The following THUMPD3 variants were observed in gnomAD, a reference collection of about 807,000 sequenced individuals.
THUMPD3 encodes THUMP domain 3 tRNA guanosine methyltransferase.
THUMPD3 carries 44 observed loss-of-function variants against 54.5 expected under a neutral mutation model. The ratio of observed to expected loss-of-function variants is 0.81; its 90% CI spans 0.63 to 1.04. The LOEUF is 1.04. THUMPD3 is among the 50% of genes least tolerant of loss of function. The probability of loss-of-function intolerance (pLI) is 0.00; values close to 1 mark genes in which losing one functional copy is unlikely to be tolerated. For missense variants in THUMPD3, 604 were observed against 601.3 expected, an observed-to-expected ratio of 1.00 and a Z score of -0.05; for synonymous variants, 196 against 201.4, an observed-to-expected ratio of 0.97 and a Z score of 0.23.
chr3:9,383,908 C>T (rs1160895312), intron 8 of THUMPD3, among the ~76,000 whole-genome samples: 1 of 152,196 alleles, frequency 6.6e-6, no homozygotes, highest in Admixed American at 6.5e-5. Context: ...AGGCATGAGC[C>T]ACCAAAACAC....
chr3:9,364,898 T>G (rs2031393333), intron 1 of THUMPD3, 118 bp from the exon 2 acceptor site: 3 of 758,372 alleles, frequency 4.0e-6, no homozygotes, highest in Non-Finnish European at 6.2e-6. Flanking sequence ...CTTTTTACTT[T>G]GGTGACTGTT....
chr3:9,384,886 CTG>C lies in THUMPD3; in HGVS notation c.*200_*201del, dbSNP rs1231427007. On this transcript the variant is annotated 3_prime_UTR_variant, in exon 10 of 10. Coordinates refer to ENST00000452837, the MANE Select transcript of THUMPD3 (RefSeq NM_001114092.2). Reference sequence around the variant, plus strand: ...TGAGACCAGGCACAGTGGCTCACGACTGTAATTCCAGCAGTTTAGGAAGCCGA... The same window carrying C: ...TGAGACCAGGCACAGTGGCTCACGACTAATTCCAGCAGTTTAGGAAGCCGA... 1.8e-5 allele frequency: 11 copies of C among 601,380 alleles called. No individual in the cohort carries two copies. Among genetic ancestry groups the C allele is most frequent in the African/African-American group, 1.7e-4 (9 of 53,944 alleles). The allele number at this position is 601,380 out of a possible 1,614,324, so 37.3% of individuals were successfully genotyped here. A position where few individuals can be genotyped will look rare whatever the true frequency, so the allele number is the denominator to read the frequency against.
chr3:9,382,316 T>C (rs976729758), intron 7 of THUMPD3, among the ~76,000 whole-genome samples: 1 of 152,236 alleles, frequency 6.6e-6, no homozygotes, highest in Non-Finnish European at 1.5e-5. Flanking sequence ...TGCATTATTT[T>C]GTTTCTTAAA....
In THUMPD3 at chr3:9,384,332, C is replaced by T; in HGVS notation, c.1356C>T (p.Thr452=). 1 of 1,613,684 alleles carries T rather than the reference C, an allele frequency of 6.2e-7. No individual in the cohort carries two copies. The highest frequency in any genetic ancestry group is 8.5e-7 in the Non-Finnish European group (1 of 1,179,898). The change falls in exon 9 of 10, where the codon ACC becomes ACT. Residue 452 remains threonine, a synonymous_variant. Coordinates refer to ENST00000452837, the MANE Select transcript of THUMPD3 (RefSeq NM_001114092.2). ...TTACTCAAGACACAAAATGCTTTAC[C>T]AAGGTGCTATACACATTAGCTCAAA... ...VLLTQDTKCF[T]KALSGMRHVW...
At chr3:9,377,668 C>T in intron 5 of THUMPD3, 151 bp from the exon 6 acceptor site, 1 of 562,630 alleles carries the variant, frequency 1.8e-6, no homozygotes, top group Admixed American at 3.1e-5. Flanking sequence ...AGTCACCGTG[C>T]GCGGCCACAA....
At chr3:9,384,095 T>A in intron 8 of THUMPD3, 117 bp from the exon 9 acceptor site, 1 of 1,193,256 alleles carries the variant, frequency 8.4e-7, no homozygotes, top group Non-Finnish European at 1.2e-6. Context: ...AAGGTCTGGT[T>A]TCTAAAACTA....
At chr3:9,374,478 A>G (rs1315729839) in intron 4 of THUMPD3, 38 bp from the exon 5 acceptor site, 6 of 1,608,082 alleles carry the variant, frequency 3.7e-6, no homozygotes, top group East Asian at 4.5e-5. Flanking sequence ...AGTTTGAACA[A>G]TCCTAAAACT....
At chr3:9,373,979 T>G (rs2032257785) in intron 4 of THUMPD3, among the ~76,000 whole-genome samples, 1 of 152,172 alleles carries the variant, frequency 6.6e-6, no homozygotes, top group Admixed American at 6.5e-5. Context: ...TTTCAGTAAG[T>G]TTTTACTTAT....
chr3:9,383,223 A>T lies in THUMPD3; in HGVS notation c.1149A>T (p.Ile383=). 1 of 1,613,986 alleles carries T rather than the reference A, an allele frequency of 6.2e-7. No individual in the cohort carries two copies. ...GCAAACCCTCCTGGGGCTTGCCCAT[A>T]GATGCTGTTCAGTGGGATATCTGCA... ...KEGKPSWGLP[I]DAVQWDICNL... Residue 383 remains isoleucine (I), a synonymous_variant, in exon 8 of 10, where the codon ATA becomes ATT. Coordinates refer to ENST00000452837, the MANE Select transcript of THUMPD3 (RefSeq NM_001114092.2).
rs200938759 is a variant in THUMPD3, at chr3:9,367,002, A to T, written c.330+17A>T. On this transcript the variant is annotated intron_variant, in intron 3 of 9. Coordinates refer to ENST00000452837, the MANE Select transcript of THUMPD3 (RefSeq NM_001114092.2). ...CAAACAAAGGTGAGCTATCCTAAAC[A>T]TGGTGGCTGATTTTTGGCTGTCTTC... 2.4e-5 allele frequency: 39 copies of T among 1,592,024 alleles called. No homozygotes were observed. The African/African-American group carries it at 5.3e-4, about 22-fold the overall frequency.
intron 3 of THUMPD3, among the ~76,000 whole-genome samples, chr3:9,368,416 G>T (rs1420598552): frequency 3.4e-5 from 5 of 145,332 alleles, no homozygotes; most frequent in Non-Finnish European, 7.4e-5. Flanking sequence ...AGGCTGGAGT[G>T]CAGTGGCACA....
intron 8 of THUMPD3, among the ~76,000 whole-genome samples, chr3:9,383,627 C>G (rs1255838886): frequency 6.9e-6 from 1 of 143,906 alleles, no homozygotes; most frequent in Non-Finnish European, 1.5e-5. Flanking sequence ...ATAAATGATT[C>G]TTTTTTTTTT....
chr3:9,383,056 T>G (rs2125334478), intron 7 of THUMPD3, 143 bp from the exon 8 acceptor site: 1 of 550,856 alleles, frequency 1.8e-6, no homozygotes, highest in East Asian at 2.9e-5. Flanking sequence ...GTGCCATTTC[T>G]TAAATTTTGA....
rs1052021354 is a variant in THUMPD3, at chr3:9,384,932, G to A, written c.*244G>A. 3 of 414,562 alleles carry A rather than the reference G, an allele frequency of 7.2e-6. No homozygotes were observed. Among genetic ancestry groups the A allele is most frequent in the Non-Finnish European group, 8.8e-6 (2 of 227,470 alleles). 25.7% of individuals were successfully genotyped at this position (414,562 alleles called of 1,614,324 possible). On this transcript the variant is annotated 3_prime_UTR_variant, in exon 10 of 10. Transcript: ENST00000452837. ...AAGCCGAAGTGTGCAGATCACCTGAGGTCCGGAGACCAGCCTGGCCAACAT... is the reference window on the plus strand; with the variant it reads ...AAGCCGAAGTGTGCAGATCACCTGAAGTCCGGAGACCAGCCTGGCCAACAT...
At position 9,384,698 on chromosome 3, in the gene THUMPD3, A is replaced by G. The variant is rs200282991; in HGVS notation, c.*10A>G. 1.9e-4 allele frequency: 308 copies of G among 1,614,052 alleles called. 2 individuals carry two copies. The South Asian group carries it at 3.2e-3, about 17-fold the overall frequency. On this transcript the variant is annotated 3_prime_UTR_variant, in exon 10 of 10. Coordinates refer to ENST00000452837, the MANE Select transcript of THUMPD3 (RefSeq NM_001114092.2). ...GCAATGCAAAGAATGAAGATGACTA[A>G]TAGTACTTGTACTTCCCACCACTGG...
chr3:9,368,576 T>C (rs748492765), intron 3 of THUMPD3, among the ~76,000 whole-genome samples: 7 of 152,118 alleles, frequency 4.6e-5, no homozygotes, highest in Non-Finnish European at 1.0e-4. Context: ...TTGGCCAGGC[T>C]GGTCTTGAAC....
At position 9,365,139 on chromosome 3, in the gene THUMPD3, AAGTGAC is replaced by A; in HGVS notation, c.74_79del (p.Val25_Thr26del). 4.3e-6 allele frequency: 7 copies of A among 1,614,226 alleles called. No homozygotes were observed. Among genetic ancestry groups the A allele is most frequent in the Non-Finnish European group, 5.9e-6 (7 of 1,180,028 alleles). Reference sequence around the variant, plus strand: ...CTTCATGAGAACCAGAAGTCTGTACAAGTGACAGAAAGTGACCTCGGAAGTGAATCT... The same window carrying A: ...CTTCATGAGAACCAGAAGTCTGTACAAGAAAGTGACCTCGGAAGTGAATCT... On this transcript the variant is annotated inframe_deletion, in exon 2 of 10. Coordinates refer to ENST00000452837, the MANE Select transcript of THUMPD3 (RefSeq NM_001114092.2).
At position 9,385,373 on chromosome 3, in the gene THUMPD3, G is replaced by T. The variant is rs1559316460; in HGVS notation, c.*685G>T. Reference sequence around the variant, plus strand: ...GGCAGAGAACATAATTACATCTTAGGCCACATTTCATTCTTTGCAGCTTTG... The same window carrying T: ...GGCAGAGAACATAATTACATCTTAGTCCACATTTCATTCTTTGCAGCTTTG... On this transcript the variant is annotated 3_prime_UTR_variant, in exon 10 of 10. Transcript: ENST00000452837. 6.6e-6 allele frequency: 1 copy of T among 152,146 alleles called. No individual in the cohort carries two copies. The highest frequency in any genetic ancestry group is 1.5e-5 in the Non-Finnish European group (1 of 68,034). 9.4% of individuals were successfully genotyped at this position (152,146 alleles called of 1,614,324 possible). A position where few individuals can be genotyped will look rare whatever the true frequency, so the allele number is the denominator to read the frequency against.
Position 9,371,550 on chromosome 3 carries a change from C to T in THUMPD3, c.807+14C>T, listed in dbSNP as rs780951378. 1.9e-6 allele frequency: 3 copies of T among 1,578,254 alleles called. No homozygotes were observed. Among genetic ancestry groups the T allele is most frequent in the South Asian group, 1.1e-5 (1 of 87,212 alleles). ...TTTGATGTGGAGGTAGGTATAGGCT[C>T]TGACTGTGGTGATTGAAGAATGCTG... On this transcript the variant is annotated intron_variant, in intron 4 of 9. Coordinates refer to ENST00000452837, the MANE Select transcript of THUMPD3 (RefSeq NM_001114092.2).
Sources: gnomAD v4.1 joint callset for allele counts (sites outside exome capture counted in the v4.1 genomes callset) on GRCh38, gnomAD v4.1.1 for gene constraint, MANE v1.5 for transcripts, NCBI Gene and HGNC (gene_info 2026-07-23, HGNC 2026-07-21) for gene names.